The following HSCB variants were observed in gnomAD, a reference collection of about 807,000 sequenced individuals.
HSCB encodes the protein iron-sulfur cluster co-chaperone protein HscB.
In HSCB, 23 loss-of-function variants were observed where a neutral mutation model predicts 31.3. The observed-to-expected ratio is 0.74, with a 90% CI of 0.53 to 1.04. The LOEUF (loss-of-function observed/expected upper bound fraction) is 1.04. Among genes scored for constraint, HSCB ranks in the 50% least tolerant of loss-of-function variants. The pLI is 0.00. For missense variants in HSCB, 297 were observed against 288.1 expected (o/e 1.03, Z -0.22); for synonymous variants, 110 against 104.5 (o/e 1.05, Z -0.32).
rs777499182 is a variant in HSCB at position 28,742,070 on chromosome 22, C to T, written c.-26C>T. The T allele has an allele frequency of 1.6e-5, 25 of 1,590,950 alleles. 1 individual carries two copies. In the South Asian group the frequency reaches 2.8e-4, roughly 18 times the overall value. On this transcript the variant is annotated 5_prime_UTR_variant, in exon 1 of 6. Transcript: ENST00000216027. ...TCTCTTTGCTTTTCCCCACGAGTGA[C>T]CACGGCTAGATAGGCCGCCGGCCAG... is the stretch of plus-strand genomic sequence containing the variant.
chr22:28,748,786 G>C (rs1433671062), intron 4 of HSCB, among the ~76,000 whole-genome samples: 2 of 151,896 alleles, frequency 1.3e-5, no homozygotes, highest in Admixed American at 6.6e-5. Flanking sequence ...CAAAGTGCTG[G>C]GATTACAGGT....
intron 5 of HSCB, among the ~76,000 whole-genome samples, chr22:28,754,496 C>T (rs765594530): frequency 7.9e-5 from 12 of 151,936 alleles, no homozygotes; most frequent in Non-Finnish European, 1.6e-4. Context: ...ATGGTGAAAC[C>T]CCGTCTTTAC....
intron 5 of HSCB, among the ~76,000 whole-genome samples, chr22:28,752,649 G>T (rs1024055035): frequency 4.6e-5 from 7 of 151,258 alleles, no homozygotes; most frequent in African/African-American, 1.7e-4. Flanking sequence ...CAGGAGAATG[G>T]CGTGAACCCG....
chr22:28,743,820 C>A, intron 1 of HSCB, 62 bp from the exon 2 acceptor site: 1 of 1,393,018 alleles, frequency 7.2e-7, no homozygotes, highest in Non-Finnish European at 1.0e-6. Flanking sequence ...AAGAACCAGG[C>A]TCATGGTAGA....
intron 4 of HSCB, among the ~76,000 whole-genome samples, chr22:28,749,322 C>A (rs2030065544): frequency 6.6e-6 from 1 of 152,110 alleles, no homozygotes; most frequent in Non-Finnish European, 1.5e-5. Context: ...GGGCCTGTTG[C>A]TTCTGCCTGA....
chr22:28,752,749 T>A (rs1228408932), intron 5 of HSCB, among the ~76,000 whole-genome samples: 3 of 144,164 alleles, frequency 2.1e-5, no homozygotes, highest in East Asian at 2.1e-4. Context: ...AAAAAAAAAA[T>A]TTGTTGACAG....
chr22:28,751,745 CAA>C (rs201705418), intron 5 of HSCB, among the ~76,000 whole-genome samples: 20 of 104,764 alleles, frequency 1.9e-4, no homozygotes, highest in East Asian at 2.9e-4. Flanking sequence ...GACTCCATCT[CAA>C]AAAAAAAAAA....
chr22:28,746,957 A>G (rs1029823194), intron 4 of HSCB, among the ~76,000 whole-genome samples: 2 of 151,428 alleles, frequency 1.3e-5, no homozygotes, highest in Non-Finnish European at 2.9e-5. Flanking sequence ...CCAGCTATTC[A>G]GGAGGATGAG....
chr22:28,754,694 A>G (rs116962098), intron 5 of HSCB, among the ~76,000 whole-genome samples: 1 of 152,122 alleles, frequency 6.6e-6, no homozygotes, highest in Non-Finnish European at 1.5e-5. Flanking sequence ...ATGTGGATGG[A>G]TGGTGGTGAT....
chr22:28,754,583 T>C lies in HSCB; in HGVS notation c.617-2495T>C, dbSNP rs550384064. Among the ~76,000 whole-genome samples, 12 of 151,888 alleles carry C rather than the reference T, an allele frequency of 7.9e-5. No homozygotes were observed. In the East Asian group the frequency reaches 2.4e-3, roughly 30 times the overall value. On this transcript the variant is annotated intron_variant, in intron 5 of 5. Transcript: ENST00000216027. The stretch of plus-strand genomic sequence containing the variant: ...TACTTGGGAGTCTGAGGCACAAGAA[T>C]CACTTGAACCCGGGAGGTGGAGGCT...
intron 4 of HSCB, among the ~76,000 whole-genome samples, chr22:28,750,943 G>GTTTTTTTTTTTTTTTTTTTTTTTTTT (rs1202821377): frequency 1.6e-5 from 1 of 62,050 alleles, no homozygotes. Context: ...GTATATCTTT[G>GTTTTTTTTTTTTTTTTTTTTTTTTTT]TCTTTTTTTT....
In HSCB at chr22:28,742,275, G is replaced by A. The variant is rs2054579881; in HGVS notation, c.180G>A (p.Gln60=). ...GGGAGGACAGGTTCTTCTGCCCACA[G>A]TGCCGAGCGCTGCAGGCACCTGACC... ...PGREDRFFCP[Q]CRALQAPDPT... The change falls in exon 1 of 6, where the codon CAG becomes CAA. Residue 60 remains glutamine (Q), a synonymous_variant. Transcript: ENST00000216027. 2 of 1,614,010 alleles carry A rather than the reference G, an allele frequency of 1.2e-6. No individual in the cohort carries two copies. Among genetic ancestry groups the A allele is most frequent in the African/African-American group, 1.3e-5 (1 of 74,924 alleles).
chr22:28,749,008 G>T (rs534502052), intron 4 of HSCB, among the ~76,000 whole-genome samples: 16 of 152,242 alleles, frequency 1.1e-4, no homozygotes, highest in African/African-American at 3.6e-4. Context: ...AGATGTGGTG[G>T]CGCATGCCTG....
At chr22:28,754,632 T>C (rs1428750391) in intron 5 of HSCB, among the ~76,000 whole-genome samples, 1 of 151,768 alleles carries the variant, frequency 6.6e-6, no homozygotes, top group Non-Finnish European at 1.5e-5. Flanking sequence ...ATCATGCCAC[T>C]GCATTCCAGC....
At chr22:28,753,090 T>A (rs1481850789) in intron 5 of HSCB, among the ~76,000 whole-genome samples, 1 of 151,398 alleles carries the variant, frequency 6.6e-6, no homozygotes, top group African/African-American at 2.4e-5. Flanking sequence ...AAAAAAAAAA[T>A]TATTTAGAGT....
In HSCB at chr22:28,757,063, C is replaced by G; in HGVS notation, c.617-15C>G. ...TTGAAATGAAGCCTGACTTCAGTGT[C>G]TCTGTCTATTTCAGATGACTTTGAA... On this transcript the variant is annotated splice_polypyrimidine_tract_variant and intron_variant, in intron 5 of 5. Coordinates refer to ENST00000216027, the MANE Select transcript of HSCB (RefSeq NM_172002.5). 1 of 1,419,986 alleles carries G rather than the reference C, an allele frequency of 7.0e-7. No homozygotes were observed. The highest frequency in any genetic ancestry group is 1.1e-5 in the South Asian group (1 of 86,990). The allele number at this position is 1,419,986 out of a possible 1,614,324, so 88.0% of individuals were successfully genotyped here.
chr22:28,743,079 C>A (rs1278630759), intron 1 of HSCB, among the ~76,000 whole-genome samples: 1 of 152,166 alleles, frequency 6.6e-6, no homozygotes, highest in Non-Finnish European at 1.5e-5. Flanking sequence ...CACACTTGTT[C>A]AAGCACCAGA....
intron 2 of HSCB, among the ~76,000 whole-genome samples, chr22:28,744,268 T>G (rs2054645292): frequency 6.6e-6 from 1 of 152,220 alleles, no homozygotes; most frequent in South Asian, 2.1e-4. Context: ...TAAAACTTTG[T>G]GGGCCTGGCA....
Position 28,751,240 on chromosome 22 carries a change from G to A in HSCB, c.569-1G>A, listed in dbSNP as rs781583053. ...ATTAACAGAATGGTTTTCTTTTTCA[G>A]CTAAACAGAAAGAATTTACTGACAA... On this transcript the variant is annotated splice_acceptor_variant, in intron 4 of 5. Coordinates refer to ENST00000216027, the MANE Select transcript of HSCB (RefSeq NM_172002.5). LOFTEE classifies it high-confidence loss of function. The A allele has an allele frequency of 1.3e-6, 2 of 1,587,726 alleles. No individual in the cohort carries two copies. The highest frequency in any genetic ancestry group is 1.7e-6 in the Non-Finnish European group (2 of 1,160,940).
Sources: allele counts gnomAD v4.1 joint callset (sites outside exome capture counted in the v4.1 genomes callset), GRCh38; gene constraint gnomAD v4.1.1; transcripts MANE v1.5; gene names NCBI Gene and HGNC (gene_info 2026-07-23, HGNC 2026-07-21).